The following KCNT2 variants were observed in gnomAD, a reference collection of about 807,000 sequenced individuals.
KCNT2 encodes the protein potassium channel subfamily T member 2.
KCNT2 carries 67 observed loss-of-function variants against 153.8 expected under a neutral mutation model. The observed-to-expected ratio is 0.44, with a 90% CI of 0.36 to 0.53. KCNT2 has a LOEUF of 0.53. Among genes scored for constraint, KCNT2 ranks in the 20% least tolerant of loss-of-function variants. KCNT2 has a pLI of 0.00. For synonymous variants in KCNT2, 500 were observed against 458.8 expected (o/e 1.09, Z -1.15); for missense variants, 975 against 1,354.8 (o/e 0.72, Z 4.40).
chr1:196,419,898 T>C (rs1316893966), intron 12 of KCNT2, among the ~76,000 whole-genome samples: 1 of 152,076 alleles, frequency 6.6e-6, no homozygotes, highest in African/African-American at 2.4e-5. Context: ...CCTTATTGTA[T>C]AATGAGTGGG....
intron 16 of KCNT2, among the ~76,000 whole-genome samples, chr1:196,336,288 T>C (rs1665025257): frequency 6.6e-6 from 1 of 152,076 alleles, no homozygotes; most frequent in African/African-American, 2.4e-5. Context: ...TTTGTAATTA[T>C]TACTTGCTGC....
intron 1 of KCNT2, among the ~76,000 whole-genome samples, chr1:196,555,679 C>G (rs920473457): frequency 1.4e-4 from 21 of 150,870 alleles, no homozygotes; most frequent in Admixed American, 2.7e-4. Flanking sequence ...CACAAAACAC[C>G]CAGATAGCAA....
intron 14 of KCNT2, among the ~76,000 whole-genome samples, chr1:196,368,944 G>T (rs1423727729): frequency 1.3e-5 from 2 of 152,060 alleles, no homozygotes; most frequent in African/African-American, 4.8e-5. Flanking sequence ...CTACTGTCCA[G>T]TGTCAATAAG....
intron 1 of KCNT2, among the ~76,000 whole-genome samples, chr1:196,510,441 T>C (rs1416970): frequency 0.86 from 130,270 of 152,056 alleles, 56,646 homozygotes; most frequent in South Asian, 0.99. Context: ...ACTTATATTA[T>C]ACACATCAAA....
At chr1:196,350,212 G>A (rs939925716) in intron 14 of KCNT2, among the ~76,000 whole-genome samples, 2 of 152,114 alleles carry the variant, frequency 1.3e-5, no homozygotes, top group Non-Finnish European at 1.5e-5. Context: ...AGTCCTTTGG[G>A]TATATACCCA....
intron 26 of KCNT2, among the ~76,000 whole-genome samples, chr1:196,239,944 C>A (rs1485374112): frequency 6.6e-6 from 1 of 151,990 alleles, no homozygotes; most frequent in African/African-American, 2.4e-5. Flanking sequence ...TATGAGGACA[C>A]AGAAAGAAGG....
chr1:196,371,690 C>T (rs994724074), intron 14 of KCNT2, among the ~76,000 whole-genome samples: 5 of 151,934 alleles, frequency 3.3e-5, no homozygotes, highest in African/African-American at 7.2e-5. Context: ...TGTTGGGAAA[C>T]GTCTTATTCT....
intron 12 of KCNT2, among the ~76,000 whole-genome samples, chr1:196,422,227 T>C (rs1048628847): frequency 2.0e-5 from 3 of 152,024 alleles, no homozygotes; most frequent in Non-Finnish European, 4.4e-5. Flanking sequence ...CCTAGATTAA[T>C]GTAAAAGAGT....
Position 196,227,529 on chromosome 1 carries a change from T to C in KCNT2, c.*695A>G, listed in dbSNP as rs1032177123. ...GTATGCTTTTCTTGGCATAAAATAT[T>C]TGCTAGACATAAAGTTACCAAAAAG... On this transcript the variant is annotated 3_prime_UTR_variant, in exon 28 of 28. Transcript: ENST00000294725. 4.6e-5 allele frequency: 7 copies of C among 152,156 alleles called. No individual in the cohort carries two copies. Among genetic ancestry groups the C allele is most frequent in the African/African-American group, 1.7e-4 (7 of 41,462 alleles). The allele number at this position is 152,156 out of a possible 1,614,324, so 9.4% of individuals were successfully genotyped here. A position where few individuals can be genotyped will look rare whatever the true frequency, so the allele number is the denominator to read the frequency against.
intron 14 of KCNT2, among the ~76,000 whole-genome samples, chr1:196,369,077 C>T (rs551806449): frequency 2.0e-5 from 3 of 152,024 alleles, no homozygotes; most frequent in East Asian, 1.9e-4. Context: ...TCTTACCCCT[C>T]GATTATTACT....
chr1:196,421,053 A>G (rs1359507493), intron 12 of KCNT2, among the ~76,000 whole-genome samples: 3 of 152,086 alleles, frequency 2.0e-5, no homozygotes, highest in Non-Finnish European at 4.4e-5. Flanking sequence ...TCGGTTGCAA[A>G]ACGCAGCTTG....
At chr1:196,477,251 T>A (rs1180962721) in intron 5 of KCNT2, among the ~76,000 whole-genome samples, 1 of 152,124 alleles carries the variant, frequency 6.6e-6, no homozygotes, top group Non-Finnish European at 1.5e-5. Context: ...TAGAACTAAA[T>A]AATAGTCTGA....
rs1432733850 is a variant in KCNT2 at position 196,257,459 on chromosome 1, G to A, written c.3211+735C>T. ...CCTATCTGAGTTCCTGGTTTACCAT[G>A]TTACATATTTATATACGTAAAATAA... On this transcript the variant is annotated intron_variant, in intron 26 of 27. Coordinates refer to ENST00000294725, the MANE Select transcript of KCNT2 (RefSeq NM_198503.5). 6 of 975,692 alleles carry A rather than the reference G, an allele frequency of 6.1e-6. No individual in the cohort carries two copies. The South Asian group carries it at 2.4e-4, about 39-fold the overall frequency. 60.4% of individuals were successfully genotyped at this position (975,692 alleles called of 1,614,324 possible). A position where few individuals can be genotyped will look rare whatever the true frequency, so the allele number is the denominator to read the frequency against.
At chr1:196,475,843 T>C (rs920018924) in intron 5 of KCNT2, among the ~76,000 whole-genome samples, 1 of 152,168 alleles carries the variant, frequency 6.6e-6, no homozygotes, top group Non-Finnish European at 1.5e-5. Context: ...CTCCTATTTA[T>C]CCTATCTGTT....
At chr1:196,453,642 T>G (rs975298582) in intron 8 of KCNT2, among the ~76,000 whole-genome samples, 1 of 151,982 alleles carries the variant, frequency 6.6e-6, no homozygotes, top group Non-Finnish European at 1.5e-5. Context: ...TCAACCTCTA[T>G]AGTCATATCT....
intron 1 of KCNT2, among the ~76,000 whole-genome samples, chr1:196,540,231 C>A (rs994820478): frequency 1.3e-5 from 2 of 152,132 alleles, no homozygotes; most frequent in African/African-American, 4.8e-5. Flanking sequence ...CTTTCTCTAA[C>A]CACTGTCAAA....
chr1:196,441,498 A>G (rs1038006836), intron 8 of KCNT2, among the ~76,000 whole-genome samples: 4 of 151,520 alleles, frequency 2.6e-5, no homozygotes, highest in Non-Finnish European at 5.9e-5. Flanking sequence ...AAATTATCTA[A>G]GGCTGTACCA....
intron 1 of KCNT2, among the ~76,000 whole-genome samples, chr1:196,515,122 T>C (rs1252991464): frequency 1.3e-5 from 2 of 152,162 alleles, no homozygotes; most frequent in Non-Finnish European, 2.9e-5. Context: ...CCGATAATGA[T>C]GGAAAAGGAC....
intron 8 of KCNT2, among the ~76,000 whole-genome samples, chr1:196,433,395 AT>A (rs1177013504): frequency 6.6e-6 from 1 of 152,106 alleles, no homozygotes; most frequent in Non-Finnish European, 1.5e-5. Flanking sequence ...CACATGTTGT[AT>A]GATTCTGTTT....
Sources: allele counts gnomAD v4.1 joint callset (sites outside exome capture counted in the v4.1 genomes callset), GRCh38; gene constraint gnomAD v4.1.1; transcripts MANE v1.5; gene names NCBI Gene and HGNC (gene_info 2026-07-23, HGNC 2026-07-21).